The following BRINP2 variants were observed in gnomAD, a reference collection of about 807,000 sequenced individuals.
The protein encoded by BRINP2 is BMP/retinoic acid inducible neural specific 2, also known as BMP/retinoic acid-inducible neural-specific protein 2.
In BRINP2, 21 loss-of-function variants were observed where a neutral mutation model predicts 69.2. The observed-to-expected ratio is 0.30, with a 90% CI of 0.22 to 0.44. The LOEUF is 0.44. Ranked by LOEUF, BRINP2 falls within the 20% of genes least tolerant of loss-of-function variation. BRINP2 has a pLI of 1.00. For synonymous variants in BRINP2, 380 were observed against 394.1 expected (o/e 0.96, Z 0.42); for missense variants, 877 against 986.0 (o/e 0.89, Z 1.48).
At chr1:177,204,455 G>C (rs960436286) in intron 1 of BRINP2, among the ~76,000 whole-genome samples, 1 of 151,668 alleles carries the variant, frequency 6.6e-6, no homozygotes, top group Non-Finnish European at 1.5e-5. Flanking sequence ...GTAGAAGGAT[G>C]AGTTTATAAG....
chr1:177,267,253 G>A (rs1259056303), intron 4 of BRINP2, among the ~76,000 whole-genome samples: 1 of 25,124 alleles, frequency 4.0e-5, no homozygotes, highest in African/African-American at 1.0e-4. Flanking sequence ...CTAGGCACAC[G>A]AACTTGGAAA....
At chr1:177,182,947 G>T (rs113213608) in intron 1 of BRINP2, among the ~76,000 whole-genome samples, 92 of 151,804 alleles carry the variant, frequency 6.1e-4, no homozygotes, top group African/African-American at 2.1e-3. Context: ...TGTTGTTGTT[G>T]TTGTTGTTTT....
At chr1:177,249,488 T>C (rs1650512668) in intron 2 of BRINP2, among the ~76,000 whole-genome samples, 1 of 152,200 alleles carries the variant, frequency 6.6e-6, no homozygotes, top group South Asian at 2.1e-4. Flanking sequence ...ATAGGGACTA[T>C]AGGGCTGTTA....
chr1:177,208,617 AT>A lies in BRINP2; in HGVS notation c.-76-21174del, dbSNP rs112121433. On this transcript the variant is annotated intron_variant, in intron 1 of 7. Transcript: ENST00000361539. ...TTCTACATTTGCATCATAGCCACAG[AT>A]TTTTTTTTTCTTCATCTTCTTCTTT... Among the ~76,000 whole-genome samples, 798 of 150,194 alleles carry A rather than the reference AT, an allele frequency of 5.3e-3. 8 individuals carry two copies. The highest frequency in any genetic ancestry group is 0.015 in the African/African-American group (626 of 40,966).
chr1:177,248,556 G>A (rs1027603547), intron 2 of BRINP2, among the ~76,000 whole-genome samples: 1 of 151,410 alleles, frequency 6.6e-6, no homozygotes, highest in African/African-American at 2.4e-5. Context: ...AGGGAGGGAG[G>A]CTTCATAGGT....
chr1:177,197,202 A>T (rs2102300685), intron 1 of BRINP2, among the ~76,000 whole-genome samples: 2 of 152,314 alleles, frequency 1.3e-5, no homozygotes, highest in African/African-American at 4.8e-5. Flanking sequence ...GGAAGCTTCC[A>T]ATCATGGAAG....
At chr1:177,201,571 G>C (rs1022709909) in intron 1 of BRINP2, among the ~76,000 whole-genome samples, 3 of 152,138 alleles carry the variant, frequency 2.0e-5, no homozygotes, top group Non-Finnish European at 4.4e-5. Flanking sequence ...AAATTTGTTG[G>C]ATATTTAGCT....
At chr1:177,274,851 G>T (rs1651443551) in intron 5 of BRINP2, among the ~76,000 whole-genome samples, 1 of 152,130 alleles carries the variant, frequency 6.6e-6, no homozygotes, top group African/African-American at 2.4e-5. Context: ...AAATTTAGGG[G>T]CAGTACAGAA....
At chr1:177,209,026 A>C (rs1649148509) in intron 1 of BRINP2, among the ~76,000 whole-genome samples, 11 of 152,048 alleles carry the variant, frequency 7.2e-5, no homozygotes, top group Admixed American at 7.2e-4. Context: ...CTGGAGTTTA[A>C]GAGGTAAAAC....
chr1:177,225,914 G>A (rs760688), intron 1 of BRINP2, among the ~76,000 whole-genome samples: 104,594 of 152,208 alleles, frequency 0.69, 36,127 homozygotes, highest in Non-Finnish European at 0.72. Context: ...AGGAGCAGTC[G>A]GCACTGAATT....
Position 177,172,907 on chromosome 1 carries a change from T to C in BRINP2, c.-77+1175T>C, listed in dbSNP as rs368353491. On this transcript the variant is annotated intron_variant, in intron 1 of 7. Coordinates refer to ENST00000361539, the MANE Select transcript of BRINP2 (RefSeq NM_021165.4). Reference sequence around the variant, plus strand: ...AGACCAATCAGAGGGATAAAAGGTATATTATAAGTCAAGTATTTCTGCTTC... The same window carrying C: ...AGACCAATCAGAGGGATAAAAGGTACATTATAAGTCAAGTATTTCTGCTTC... Among the ~76,000 whole-genome samples, 16 of 152,334 alleles carry C rather than the reference T, an allele frequency of 1.1e-4. 1 individual carries two copies. In the East Asian group the frequency reaches 2.3e-3, roughly 22 times the overall value.
At chr1:177,270,722 G>A (rs113276723) in intron 4 of BRINP2, among the ~76,000 whole-genome samples, 1 of 152,288 alleles carries the variant, frequency 6.6e-6, no homozygotes, top group Non-Finnish European at 1.5e-5. Flanking sequence ...CAATGACGAC[G>A]GAGTGGGCAG....
intron 4 of BRINP2, among the ~76,000 whole-genome samples, chr1:177,262,554 G>A (rs375104089): frequency 5.9e-5 from 9 of 151,400 alleles, no homozygotes; most frequent in African/African-American, 2.2e-4. Flanking sequence ...AAGTGATGAT[G>A]TAGGAGAGAC....
At chr1:177,172,189 C>T (rs1402534706) in intron 1 of BRINP2, among the ~76,000 whole-genome samples, 4 of 152,192 alleles carry the variant, frequency 2.6e-5, no homozygotes, top group Admixed American at 6.5e-5. Context: ...TTATCGTGCT[C>T]ATAGAGCCCT....
chr1:177,173,391 G>A (rs1179587549), intron 1 of BRINP2, among the ~76,000 whole-genome samples: 1 of 152,216 alleles, frequency 6.6e-6, no homozygotes, highest in African/African-American at 2.4e-5. Flanking sequence ...GAGGTCAGCT[G>A]GCGCCAAAGT....
intron 2 of BRINP2, among the ~76,000 whole-genome samples, chr1:177,238,689 G>A (rs1232614362): frequency 6.6e-6 from 1 of 152,128 alleles, no homozygotes; most frequent in Admixed American, 6.5e-5. Context: ...TCTCCCATGG[G>A]AAGAAAAGAG....
At chr1:177,272,936 A>G (rs956259267) in intron 4 of BRINP2, among the ~76,000 whole-genome samples, 2 of 152,252 alleles carry the variant, frequency 1.3e-5, no homozygotes, top group Non-Finnish European at 2.9e-5. Context: ...TATATTTAAT[A>G]TACTTATTAA....
chr1:177,186,852 G>C (rs958062541), intron 1 of BRINP2, among the ~76,000 whole-genome samples: 1 of 152,180 alleles, frequency 6.6e-6, no homozygotes, highest in Non-Finnish European at 1.5e-5. Flanking sequence ...ATTTCTCAAA[G>C]AGCCAACACA....
intron 1 of BRINP2, among the ~76,000 whole-genome samples, chr1:177,203,697 C>T (rs1558158150): frequency 2.0e-5 from 3 of 151,966 alleles, no homozygotes; most frequent in African/African-American, 7.3e-5. Flanking sequence ...TTTTTGAGTG[C>T]CGCTTATGTG....
Sources: allele counts gnomAD v4.1 joint callset (sites outside exome capture counted in the v4.1 genomes callset), GRCh38; gene constraint gnomAD v4.1.1; transcripts MANE v1.5; gene names NCBI Gene and HGNC (gene_info 2026-07-23, HGNC 2026-07-21).